The following TLN1 variants were observed in gnomAD, a reference collection of about 807,000 sequenced individuals.
TLN1 encodes the protein talin-1.
In TLN1, 56 loss-of-function variants were observed where a neutral mutation model predicts 292.3. That is an observed-to-expected ratio of 0.19 (90% CI 0.15 to 0.24). The LOEUF is 0.24. Among genes scored for constraint, TLN1 ranks in the 10% least tolerant of loss-of-function variants. The probability of loss-of-function intolerance (pLI) is 1.00; values close to 1 mark genes in which losing one functional copy is unlikely to be tolerated. For missense variants in TLN1, 2,433 were observed against 3,248.2 expected (o/e 0.75, Z 6.10); for synonymous variants, 1,119 against 1,253.7 (o/e 0.89, Z 2.27).
In TLN1 at chr9:35,719,759, G is replaced by A. The variant is rs754902274; in HGVS notation, c.1559C>T (p.Pro520Leu). Residue 520 changes from proline (P) to leucine (L), a missense_variant, in exon 14 of 57, where the codon CCG (proline) becomes CTG (leucine). Transcript: ENST00000314888. This position sits in a 1 kb window ranked among gnomAD's most constrained non-coding sequence, Gnocchi z 4.6. ...QATLDDFDTL[P>L]PLGQDAASKA... ...ACTTACAGCATCCTGGCCAAGAGGC[G>A]GCAGAGTGTCAAAGTCATCCAGGGT... 14 of 1,608,802 alleles carry A rather than the reference G, an allele frequency of 8.7e-6. No homozygotes were observed. The highest frequency in any genetic ancestry group is 2.2e-5 in the South Asian group (2 of 90,250).
At chr9:35,712,179 C>T in intron 27 of TLN1, 55 bp from the exon 28 acceptor site, 1 of 1,572,590 alleles carries the variant, frequency 6.4e-7, no homozygotes, top group Non-Finnish European at 8.6e-7. Context: ...GAGAGATCGC[C>T]TCCATTCACG....
Position 35,711,028 on chromosome 9 carries a change from G to A in TLN1, c.4074C>T (p.Pro1358=), listed in dbSNP as rs747030237. 1.2e-5 allele frequency: 20 copies of A among 1,614,098 alleles called. No homozygotes were observed. The highest frequency in any genetic ancestry group is 3.3e-4 in the Middle Eastern group (2 of 6,084). ...QLITMCTQQA[P]GQKECDNALR... ...GGGCGTTATCACACTCCTTCTGGCC[G>A]GGTGCCTGCTGGGTGCACATAGTGA... The change falls in exon 31 of 57, where the codon CCC becomes CCT. Residue 1358 remains proline (P), a synonymous_variant. Coordinates refer to ENST00000314888, the MANE Select transcript of TLN1 (RefSeq NM_006289.4).
chr9:35,730,046 A>G (rs1177483840), intron 1 of TLN1, among the ~76,000 whole-genome samples: 2 of 151,722 alleles, frequency 1.3e-5, no homozygotes, highest in African/African-American at 2.4e-5. Flanking sequence ...TAAGATACAT[A>G]TATGACCAGT....
At chr9:35,730,431 T>G (rs1826053797) in intron 1 of TLN1, among the ~76,000 whole-genome samples, 2 of 148,416 alleles carry the variant, frequency 1.3e-5, no homozygotes, top group Admixed American at 6.7e-5. Flanking sequence ...TGTTGGGGAG[T>G]GGGGGAAGGG....
chr9:35,701,155 C>T (rs6476490), intron 48 of TLN1, among the ~76,000 whole-genome samples: 13 of 152,102 alleles, frequency 8.5e-5, no homozygotes, highest in African/African-American at 2.7e-4. Flanking sequence ...GAGCCTGCAG[C>T]AGATAAGAGC....
chr9:35,707,661 A>C lies in TLN1; in HGVS notation c.4632+70T>G. 6.2e-7 allele frequency: 1 copy of C among 1,605,290 alleles called. No homozygotes were observed. Among genetic ancestry groups the C allele is most frequent in the Non-Finnish European group, 8.5e-7 (1 of 1,173,700 alleles). On this transcript the variant is annotated intron_variant, in intron 35 of 56. Coordinates refer to ENST00000314888, the MANE Select transcript of TLN1 (RefSeq NM_006289.4). This position sits in a 1 kb window ranked among gnomAD's most constrained non-coding sequence, Gnocchi z 5.6. The stretch of plus-strand genomic sequence containing the variant: ...GGGGATTTGGTAGAAGGCTTCAGAG[A>C]ATAACTGGGGGACTCGGGGGAGAAG...
intron 19 of TLN1, among the ~76,000 whole-genome samples, chr9:35,716,815 G>A (rs1825791968): frequency 6.6e-6 from 1 of 152,196 alleles, no homozygotes; most frequent in Non-Finnish European, 1.5e-5. Context: ...GTAGCCTTGA[G>A]AAGATGAGAC....
intron 8 of TLN1, 99 bp downstream of exon 8, chr9:35,722,762 T>C (rs1825899211): frequency 7.9e-7 from 1 of 1,270,396 alleles, no homozygotes; most frequent in Admixed American, 1.7e-5. Flanking sequence ...GAAAGCCAAG[T>C]TAGGGGAGAC....
chr9:35,717,712 G>C lies in TLN1; in HGVS notation c.2070C>G (p.Ala690=). 7.4e-6 allele frequency: 12 copies of C among 1,613,934 alleles called. No individual in the cohort carries two copies. Among genetic ancestry groups the C allele is most frequent in the Non-Finnish European group, 1.0e-5 (12 of 1,179,928 alleles). The change falls in exon 18 of 57, where the codon GCC becomes GCG. Residue 690 remains alanine, a synonymous_variant. Coordinates refer to ENST00000314888, the MANE Select transcript of TLN1 (RefSeq NM_006289.4). The surrounding 1 kb of genome is among the most constrained non-coding windows in gnomAD (Gnocchi z 4.7). ...AALVLKAKSV[A]QRTEDSGLQT... is the part of the protein sequence containing the mutation. ...GAAGTCCCGAGTCCTCTGTCCGCTG[G>C]GCCACACTCTTGGCCTTGAGGACCA... is the stretch of plus-strand genomic sequence containing the variant.
At chr9:35,721,967 A>T in intron 9 of TLN1, 152 bp downstream of exon 9, 1 of 1,133,732 alleles carries the variant, frequency 8.8e-7, no homozygotes, top group Non-Finnish European at 1.3e-6. Flanking sequence ...GGCTGATGAC[A>T]GGCAGGTTTT....
In TLN1 at chr9:35,707,154, G is replaced by A. The variant is rs200231964; in HGVS notation, c.4873C>T (p.Arg1625Trp). ...QTARALAVNPRDPPSWSVLAG... is the reference protein window; with the variant it reads ...QTARALAVNPWDPPSWSVLAG... ...AGCACCGACCAGCTCGGGGGGTCCC[G>A]GGGATTGACTGCGAGGGCCCGGGCT... Residue 1625 changes from arginine to tryptophan, a missense_variant, in exon 37 of 57, where the codon CGG (arginine) becomes TGG (tryptophan). Physicochemically the swap from Arg to Trp is moderately radical, Grantham distance 101. Transcript: ENST00000314888. The surrounding 1 kb of genome is among the most constrained non-coding windows in gnomAD (Gnocchi z 5.6). 1.7e-5 allele frequency: 28 copies of A among 1,610,130 alleles called. No individual in the cohort carries two copies. In the East Asian group the frequency reaches 3.8e-4, roughly 22 times the overall value.
rs879047073 is a variant in TLN1, at chr9:35,719,498, G to T, written c.1687+21C>A. 2 of 1,605,048 alleles carry T rather than the reference G, an allele frequency of 1.2e-6. No homozygotes were observed. Among genetic ancestry groups the T allele is most frequent in the South Asian group, 2.2e-5 (2 of 90,860 alleles). On this transcript the variant is annotated intron_variant, in intron 15 of 56. Coordinates refer to ENST00000314888, the MANE Select transcript of TLN1 (RefSeq NM_006289.4). The surrounding 1 kb of genome is among the most constrained non-coding windows in gnomAD (Gnocchi z 4.6). The stretch of plus-strand genomic sequence containing the variant: ...CACCCCCTCTCCCCATCACACACCC[G>T]GAAGCTAGCATCCGGCCTACCTGCT...
intron 34 of TLN1, 41 bp downstream of exon 34, chr9:35,708,300 C>CT: frequency 6.4e-7 from 1 of 1,554,218 alleles, no homozygotes. Context: ...TCGGTCTGCC[C>CT]TTTCCCAGAC....
Position 35,720,836 on chromosome 9 carries a change from G to C in TLN1, c.1182C>G (p.Gly394=). 1 of 1,614,126 alleles carries C rather than the reference G, an allele frequency of 6.2e-7. No homozygotes were observed. Among genetic ancestry groups the C allele is most frequent in the African/African-American group, 1.3e-5 (1 of 75,030 alleles). The part of the protein sequence containing the change: ...EGEQIAQLIA[G]YIDIILKKKK... ...CCTTCTTCAGGATGATATCGATGTAGCCGGCAATGAGCTGTGCAATCTGCT... is the reference window on the plus strand; with the variant it reads ...CCTTCTTCAGGATGATATCGATGTACCCGGCAATGAGCTGTGCAATCTGCT... Residue 394 remains glycine, a synonymous_variant, in exon 11 of 57, where the codon GGC becomes GGG. Coordinates refer to ENST00000314888, the MANE Select transcript of TLN1 (RefSeq NM_006289.4).
Position 35,699,515 on chromosome 9 carries a change from G to T in TLN1, c.6769-54C>A, listed in dbSNP as rs1825426492. The T allele has an allele frequency of 2.1e-5, 33 of 1,562,928 alleles. No individual in the cohort carries two copies. The East Asian group carries it at 7.2e-4, about 34-fold the overall frequency. Reference sequence around the variant, plus strand: ...AGCATCACATCTTAGGGTCTACCCTGATCTATGAAATAGGGCAGACCATGG... The same window carrying T: ...AGCATCACATCTTAGGGTCTACCCTTATCTATGAAATAGGGCAGACCATGG... On this transcript the variant is annotated intron_variant, in intron 50 of 56. Transcript: ENST00000314888. This position sits in a 1 kb window ranked among gnomAD's most constrained non-coding sequence, Gnocchi z 4.0.
At position 35,703,641 on chromosome 9, in the gene TLN1, T is replaced by C; in HGVS notation, c.6393A>G (p.Thr2131=). 1.9e-6 allele frequency: 3 copies of C among 1,614,218 alleles called. No homozygotes were observed. The highest frequency in any genetic ancestry group is 1.7e-6 in the Non-Finnish European group (2 of 1,180,046). The change falls in exon 48 of 57, where the codon ACA becomes ACG. Residue 2131 remains threonine (T), a synonymous_variant. Coordinates refer to ENST00000314888, the MANE Select transcript of TLN1 (RefSeq NM_006289.4). Reference sequence around the variant, plus strand: ...TGGCCTCATCTTCCACGGCTTTTACTGTCTTAAGCAATGATGTCACATTGG... The same window carrying C: ...TGGCCTCATCTTCCACGGCTTTTACCGTCTTAAGCAATGATGTCACATTGG... ...MVTNVTSLLK[T]VKAVEDEATK...
rs746994503 is a variant in TLN1, at chr9:35,698,301, T to C, written c.7371+22A>G. 7.4e-6 allele frequency: 12 copies of C among 1,612,838 alleles called. No individual in the cohort carries two copies. The highest frequency in any genetic ancestry group is 1.3e-5 in the African/African-American group (1 of 74,880). On this transcript the variant is annotated intron_variant, in intron 55 of 56. Coordinates refer to ENST00000314888, the MANE Select transcript of TLN1 (RefSeq NM_006289.4). The surrounding 1 kb of genome is among the most constrained non-coding windows in gnomAD (Gnocchi z 5.3). ...TGAAGCAGTATAGCCCAAGGGACAA[T>C]GGGATGGGTCAGGGTTCTCACCTGA...
intron 9 of TLN1, 92 bp from the exon 10 acceptor site, chr9:35,721,895 G>T: frequency 1.3e-6 from 2 of 1,530,448 alleles, no homozygotes; most frequent in Non-Finnish European, 1.8e-6. Flanking sequence ...GGGATGTTGA[G>T]GTGGCCGGGA....
chr9:35,725,161 G>A lies in TLN1; in HGVS notation c.228+63C>T, dbSNP rs767946753. On this transcript the variant is annotated intron_variant, in intron 3 of 56. Coordinates refer to ENST00000314888, the MANE Select transcript of TLN1 (RefSeq NM_006289.4). ...CAACAGATGTGGGTGCTGAAAACAG[G>A]AGGTGGAACAGGGAGAAGCTGATGG... The A allele has an allele frequency of 2.7e-5, 43 of 1,581,400 alleles. No individual in the cohort carries two copies. In the Middle Eastern group the frequency reaches 5.1e-4, roughly 19 times the overall value.
Sources: allele counts gnomAD v4.1 joint callset (sites outside exome capture counted in the v4.1 genomes callset), GRCh38; gene constraint gnomAD v4.1.1; non-coding constraint Gnocchi (gnomAD v3.1); transcripts MANE v1.5; gene names NCBI Gene and HGNC (gene_info 2026-07-23, HGNC 2026-07-21).